NDC1: variants seen among roughly 807,000 people sequenced by gnomAD.
The protein encoded by NDC1 is nucleoporin NDC1.
Under a neutral mutation model 89.8 loss-of-function variants are expected in NDC1, and 24 were observed. The ratio of observed to expected loss-of-function variants is 0.27; its 90% CI spans 0.19 to 0.38. NDC1 has a LOEUF of 0.38. NDC1 is among the 10% of genes least tolerant of loss of function. The pLI is 1.00. For synonymous variants in NDC1, 296 were observed against 284.8 expected (o/e 1.04, Z -0.39); for missense variants, 728 against 797.6 (o/e 0.91, Z 1.05).
chr1:53,770,064 G>A (rs1647098972), intron 17 of NDC1, among the ~76,000 whole-genome samples: 1 of 152,030 alleles, frequency 6.6e-6, no homozygotes, highest in African/African-American at 2.4e-5. Context: ...TCCACTATAC[G>A]ACACTGTCCT....
intron 11 of NDC1, among the ~76,000 whole-genome samples, chr1:53,798,811 T>G (rs1450483126): frequency 6.6e-6 from 1 of 152,200 alleles, no homozygotes; most frequent in Non-Finnish European, 1.5e-5. Flanking sequence ...TGCTTCGGCC[T>G]CCCAAAGTGC....
At chr1:53,784,698 G>A (rs1647263380) in intron 16 of NDC1, among the ~76,000 whole-genome samples, 1 of 152,310 alleles carries the variant, frequency 6.6e-6, no homozygotes, top group East Asian at 1.9e-4. Flanking sequence ...GGCTGAGGCA[G>A]GAGAATGGTG....
intron 1 of NDC1, among the ~76,000 whole-genome samples, chr1:53,836,762 G>T (rs1370328889): frequency 6.6e-6 from 1 of 151,160 alleles, no homozygotes; most frequent in East Asian, 1.9e-4. Flanking sequence ...GAGCCACAGC[G>T]CCCAGCCTCC....
At chr1:53,810,062 C>T (rs1035601558) in intron 6 of NDC1, among the ~76,000 whole-genome samples, 1 of 152,196 alleles carries the variant, frequency 6.6e-6, no homozygotes, top group African/African-American at 2.4e-5. Context: ...TCTAACTTTT[C>T]AGGACACAAA....
Position 53,772,310 on chromosome 1 carries a change from T to C in NDC1, c.1961+19A>G. The C allele has an allele frequency of 1.9e-6, 3 of 1,612,026 alleles. No homozygotes were observed. The highest frequency in any genetic ancestry group is 2.5e-6 in the Non-Finnish European group (3 of 1,178,486). On this transcript the variant is annotated intron_variant, in intron 17 of 17. Transcript: ENST00000371429. ...TCCCCAGAATAGGTATCATCATGGA[T>C]CAAAACAGGTAAACTTACTTCAGAT... is the stretch of plus-strand genomic sequence containing the variant.
chr1:53,829,213 G>A (rs1268345993), intron 3 of NDC1, among the ~76,000 whole-genome samples: 3 of 152,130 alleles, frequency 2.0e-5, no homozygotes, highest in Non-Finnish European at 2.9e-5. Context: ...ATGGCAGGAG[G>A]TAGAAAATTA....
At chr1:53,811,434 G>A (rs142551968) in intron 6 of NDC1, among the ~76,000 whole-genome samples, 60 of 152,250 alleles carry the variant, frequency 3.9e-4, no homozygotes, top group African/African-American at 1.3e-3. Context: ...GTTGCAGGGC[G>A]GTGGGAGTGA....
rs564703977 is a variant in NDC1 at position 53,807,928 on chromosome 1, A to G, written c.756-137T>C. The stretch of plus-strand genomic sequence containing the variant: ...CAGACTCCTCTCCTTCGATATCTTT[A>G]TAAAGCTCTTTCCCTAATACTTTCT... On this transcript the variant is annotated intron_variant, in intron 7 of 17. Transcript: ENST00000371429. The G allele has an allele frequency of 5.8e-4, 472 of 815,438 alleles. 6 individuals are homozygous for G. The South Asian group carries it at 5.9e-3, about 10-fold the overall frequency. The allele number at this position is 815,438 out of a possible 1,614,324, so 50.5% of individuals were successfully genotyped here.
chr1:53,796,134 C>T (rs1647689073), intron 13 of NDC1, among the ~76,000 whole-genome samples: 1 of 152,198 alleles, frequency 6.6e-6, no homozygotes, highest in African/African-American at 2.4e-5. Context: ...AAATGATACC[C>T]TCTCCCTTAG....
intron 16 of NDC1, among the ~76,000 whole-genome samples, chr1:53,779,575 A>G (rs1287442200): frequency 1.3e-5 from 2 of 152,072 alleles, no homozygotes; most frequent in Non-Finnish European, 2.9e-5. Flanking sequence ...GAAATGCAAA[A>G]CTCTGCCAAG....
At chr1:53,793,983 T>TTC (rs1647610078) in intron 13 of NDC1, among the ~76,000 whole-genome samples, 1 of 145,682 alleles carries the variant, frequency 6.9e-6, no homozygotes, top group Non-Finnish European at 1.5e-5. Context: ...AAAAAAAATC[T>TTC]TTTTTTTTTT....
chr1:53,772,207 G>C (rs759967565), intron 17 of NDC1, 122 bp downstream of exon 17: 8 of 848,494 alleles, frequency 9.4e-6, no homozygotes, highest in Non-Finnish European at 1.5e-5. Flanking sequence ...TAAGTTTACA[G>C]TGAGAATCAT....
Position 53,772,492 on chromosome 1 carries a change from A to G in NDC1, c.1801-3T>C, listed in dbSNP as rs775717824. 6.2e-7 allele frequency: 1 copy of G among 1,612,022 alleles called. No individual in the cohort carries two copies. The highest frequency in any genetic ancestry group is 1.7e-5 in the Admixed American group (1 of 59,826). ...AGCTTAAAGTACTTGTCGACTGCCT[A>G]CACCAAGAAAGAAAACACATCAGTT... On this transcript the variant is annotated splice_polypyrimidine_tract_variant and splice_region_variant and intron_variant, in intron 16 of 17. Coordinates refer to ENST00000371429, the MANE Select transcript of NDC1 (RefSeq NM_018087.5).
chr1:53,787,116 G>C (rs759515575), intron 16 of NDC1, 42 bp downstream of exon 16: 1 of 1,005,902 alleles, frequency 9.9e-7, no homozygotes, highest in Non-Finnish European at 1.5e-6. Context: ...GGGTGGGAGG[G>C]GAAGATGACC....
chr1:53,811,996 A>T (rs1233410867), intron 6 of NDC1, among the ~76,000 whole-genome samples: 2 of 152,182 alleles, frequency 1.3e-5, no homozygotes, highest in Non-Finnish European at 2.9e-5. Flanking sequence ...GGCTAGACCC[A>T]GAAGAGAAAC....
intron 6 of NDC1, among the ~76,000 whole-genome samples, chr1:53,810,935 C>T (rs1293450783): frequency 6.6e-6 from 1 of 152,170 alleles, no homozygotes; most frequent in African/African-American, 2.4e-5. Context: ...CGGGAGACAC[C>T]CCAAATACTG....
chr1:53,772,603 T>A (rs956153366), intron 16 of NDC1, 114 bp from the exon 17 acceptor site: 4 of 891,404 alleles, frequency 4.5e-6, no homozygotes, highest in African/African-American at 3.4e-5. Context: ...GCGGGAGGAC[T>A]GCTTGAGCCC....
At chr1:53,791,449 A>AG (rs1647500479) in intron 14 of NDC1, among the ~76,000 whole-genome samples, 2 of 152,078 alleles carry the variant, frequency 1.3e-5, no homozygotes, top group African/African-American at 4.8e-5. Flanking sequence ...AAAAAAAAAA[A>AG]AAAGATTATG....
chr1:53,813,151 C>T (rs1296739357), intron 6 of NDC1, among the ~76,000 whole-genome samples: 1 of 152,172 alleles, frequency 6.6e-6, no homozygotes, highest in East Asian at 1.9e-4. Flanking sequence ...CAAAACAGAA[C>T]CTCTTTAAAG....
Sources: allele counts gnomAD v4.1 joint callset (sites outside exome capture counted in the v4.1 genomes callset), GRCh38; gene constraint gnomAD v4.1.1; transcripts MANE v1.5; gene names NCBI Gene and HGNC (gene_info 2026-07-23, HGNC 2026-07-21).